Variants in APBB2 observed in about 807,000 individuals in gnomAD.
The protein encoded by APBB2 is amyloid beta precursor protein binding family B member 2.
In APBB2, 38 loss-of-function variants were observed where a neutral mutation model predicts 82.5. That is an observed-to-expected ratio of 0.46 (90% CI 0.36 to 0.60). The LOEUF (loss-of-function observed/expected upper bound fraction) is 0.60, where lower values mean the gene tolerates loss of function less well. Among genes scored for constraint, APBB2 ranks in the 20% least tolerant of loss-of-function variants. The probability of loss-of-function intolerance (pLI) is 0.00; values close to 1 mark genes in which losing one functional copy is unlikely to be tolerated. For missense variants in APBB2, 772 were observed against 972.3 expected (o/e 0.79, Z 2.74); for synonymous variants, 341 against 368.2 (o/e 0.93, Z 0.85).
At chr4:40,909,511 TAC>T (rs1777979481) in intron 10 of APBB2, among the ~76,000 whole-genome samples, 1 of 152,160 alleles carries the variant, frequency 6.6e-6, no homozygotes. Flanking sequence ...TGTGATTTAG[TAC>T]AGAAACAGTT....
chr4:40,893,109 C>CG, intron 11 of APBB2, 156 bp downstream of exon 11: 1 of 820,246 alleles, frequency 1.2e-6, no homozygotes, highest in East Asian at 2.7e-5. Flanking sequence ...ATCAGTCACA[C>CG]GGGGGTACCA....
intron 3 of APBB2, among the ~76,000 whole-genome samples, chr4:41,087,812 G>T (rs2153947911): frequency 6.6e-6 from 1 of 152,252 alleles, no homozygotes; most frequent in South Asian, 2.1e-4. Flanking sequence ...AATCACAGGG[G>T]AGACTTGTTG....
chr4:40,908,045 GGGTGTGTGT>G (rs1012286014), intron 10 of APBB2, among the ~76,000 whole-genome samples: 4 of 151,640 alleles, frequency 2.6e-5, no homozygotes, highest in Non-Finnish European at 5.9e-5. Flanking sequence ...TGTATGGTGT[GGGTGTGTGT>G]GGTGTGTGTG....
At chr4:40,994,511 A>G (rs183931180) in intron 6 of APBB2, among the ~76,000 whole-genome samples, 1 of 152,110 alleles carries the variant, frequency 6.6e-6, no homozygotes, top group East Asian at 1.9e-4. Flanking sequence ...TTAACTCAGT[A>G]GAAAATATTA....
chr4:41,180,118 T>G (rs923153771), intron 1 of APBB2, among the ~76,000 whole-genome samples: 6 of 152,196 alleles, frequency 3.9e-5, no homozygotes, highest in Non-Finnish European at 7.3e-5. Context: ...ACCTGAGAAA[T>G]CATTTGTCTC....
At chr4:40,844,478 G>C (rs565013799) in intron 12 of APBB2, among the ~76,000 whole-genome samples, 225 of 152,322 alleles carry the variant, frequency 1.5e-3, no homozygotes, top group Non-Finnish European at 4.6e-4. Flanking sequence ...TCTTCGGCTG[G>C]GTTGTGCTGG....
At chr4:41,076,702 A>G (rs1380602652) in intron 3 of APBB2, among the ~76,000 whole-genome samples, 1 of 152,246 alleles carries the variant, frequency 6.6e-6, no homozygotes, top group Non-Finnish European at 1.5e-5. Context: ...AGATGACAAG[A>G]TGAACACCAA....
chr4:40,974,348 C>G (rs1796656825), intron 6 of APBB2, among the ~76,000 whole-genome samples: 1 of 152,118 alleles, frequency 6.6e-6, no homozygotes, highest in African/African-American at 2.4e-5. Flanking sequence ...CTCAGAGATA[C>G]CAGAACTGTT....
intron 10 of APBB2, among the ~76,000 whole-genome samples, chr4:40,906,825 A>G (rs1776890380): frequency 6.6e-6 from 1 of 152,210 alleles, no homozygotes; most frequent in Non-Finnish European, 1.5e-5. Context: ...TGAGATAAGC[A>G]AACAGACTCC....
intron 1 of APBB2, among the ~76,000 whole-genome samples, chr4:41,193,271 A>T (rs994694195): frequency 1.3e-5 from 2 of 152,238 alleles, no homozygotes; most frequent in Non-Finnish European, 2.9e-5. Flanking sequence ...AAGACCTGGA[A>T]AAAGAACAAA....
chr4:41,026,875 C>T (rs1295347993), intron 5 of APBB2, among the ~76,000 whole-genome samples: 1 of 152,046 alleles, frequency 6.6e-6, no homozygotes, highest in Admixed American at 6.5e-5. Context: ...CCCTTCTGGT[C>T]TTAAAAGAAA....
At chr4:41,067,784 T>C (rs1450468894) in intron 3 of APBB2, among the ~76,000 whole-genome samples, 3 of 152,160 alleles carry the variant, frequency 2.0e-5, no homozygotes, top group African/African-American at 7.2e-5. Flanking sequence ...ACTGTCCACC[T>C]TGATGGAGAG....
chr4:41,124,209 T>G (rs1422871180), intron 2 of APBB2, among the ~76,000 whole-genome samples: 1 of 152,218 alleles, frequency 6.6e-6, no homozygotes, highest in African/African-American at 2.4e-5. Context: ...CTTCAAGCAT[T>G]TATTTTATTT....
chr4:40,960,517 G>A (rs1412351175), intron 6 of APBB2, among the ~76,000 whole-genome samples: 2 of 137,410 alleles, frequency 1.5e-5, no homozygotes, highest in South Asian at 2.3e-4. Flanking sequence ...GTGTGATCTC[G>A]GCTCACTGCA....
intron 17 of APBB2, among the ~76,000 whole-genome samples, chr4:40,817,464 T>C: frequency 6.6e-6 from 1 of 152,090 alleles, no homozygotes; most frequent in South Asian, 2.1e-4. Flanking sequence ...GTTTGAACTG[T>C]GCAGGTCCAC....
At chr4:40,911,538 A>G (rs1778556349) in intron 10 of APBB2, among the ~76,000 whole-genome samples, 1 of 151,996 alleles carries the variant, frequency 6.6e-6, no homozygotes, top group Admixed American at 6.5e-5. Flanking sequence ...AACATGTCCA[A>G]CTCCAGGTGT....
chr4:41,156,914 A>C (rs2154031275), intron 1 of APBB2, among the ~76,000 whole-genome samples: 1 of 152,126 alleles, frequency 6.6e-6, no homozygotes, highest in Middle Eastern at 3.4e-3. Context: ...TAAAAATACA[A>C]AATTAGCCGG....
chr4:40,852,513 C>A (rs1017355115), intron 12 of APBB2, among the ~76,000 whole-genome samples: 1 of 152,036 alleles, frequency 6.6e-6, no homozygotes, highest in African/African-American at 2.4e-5. Flanking sequence ...GGTCTCATAA[C>A]CAGTTGAGAA....
Position 40,980,200 on chromosome 4 carries a change from T to A in APBB2, c.835+33383A>T, listed in dbSNP as rs552484853. The stretch of plus-strand genomic sequence containing the variant: ...GCCACGCCTGGCTGACTTTCTGGAT[T>A]TTTAGTACAGAAGGTGTTTCACTAT... On this transcript the variant is annotated intron_variant, in intron 6 of 17. Coordinates refer to ENST00000508593, the MANE Select transcript of APBB2 (RefSeq NM_004307.2). Among the ~76,000 whole-genome samples the A allele has an allele frequency of 1.0e-3, 152 of 152,248 alleles. 1 individual carries two copies. Among genetic ancestry groups the A allele is most frequent in the Admixed American group, 3.0e-3 (46 of 15,300 alleles).
Sources: allele counts gnomAD v4.1 joint callset (sites outside exome capture counted in the v4.1 genomes callset), GRCh38; gene constraint gnomAD v4.1.1; transcripts MANE v1.5; gene names NCBI Gene and HGNC (gene_info 2026-07-23, HGNC 2026-07-21).